Variants in GALNT14 observed in about 807,000 individuals in gnomAD.
GALNT14 encodes the protein UDP-GalNAc:polypeptide N-acetylgalactosaminyltransferase 14.
Under a neutral mutation model 77.5 loss-of-function variants are expected in GALNT14, and 60 were observed. That is an observed-to-expected ratio of 0.77 (90% CI 0.63 to 0.96). The LOEUF (loss-of-function observed/expected upper bound fraction) is 0.96. Ranked by LOEUF, GALNT14 falls within the 40% of genes least tolerant of loss-of-function variation. GALNT14 has a pLI of 0.00. For synonymous variants in GALNT14, 280 were observed against 281.7 expected (o/e 0.99, Z 0.06); for missense variants, 710 against 731.0 (o/e 0.97, Z 0.33).
intron 1 of GALNT14, among the ~76,000 whole-genome samples, chr2:31,021,027 T>C (rs766005582): frequency 6.6e-6 from 1 of 152,166 alleles, no homozygotes; most frequent in South Asian, 2.1e-4. Flanking sequence ...CAGAAAAGTA[T>C]GGGATCTTAA....
rs556635548 is a variant in GALNT14 at position 30,967,714 on chromosome 2, G to A, written c.300-1412C>T. ...AGTCCTTTTTTCTCAGGGGAGCACT[G>A]CAGCAGCTTCCTGACCCATCTTTCT... is the stretch of plus-strand genomic sequence containing the variant. On this transcript the variant is annotated intron_variant, in intron 2 of 14. Coordinates refer to ENST00000349752, the MANE Select transcript of GALNT14 (RefSeq NM_024572.4). Among the ~76,000 whole-genome samples the A allele has an allele frequency of 3.7e-4, 56 of 152,256 alleles. No homozygotes were observed. In the South Asian group the frequency reaches 9.8e-3, roughly 27 times the overall value.
intron 1 of GALNT14, among the ~76,000 whole-genome samples, chr2:31,085,326 A>G (rs935691720): frequency 1.3e-5 from 2 of 152,220 alleles, no homozygotes; most frequent in Non-Finnish European, 2.9e-5. Context: ...AGCTATCAGG[A>G]CAATGAGAAG....
At chr2:31,039,141 G>C (rs1315620983) in intron 1 of GALNT14, among the ~76,000 whole-genome samples, 1 of 152,178 alleles carries the variant, frequency 6.6e-6, no homozygotes, top group Non-Finnish European at 1.5e-5. Context: ...ATTTTTGCCA[G>C]TGTTCTTGTT....
At position 30,955,658 on chromosome 2, in the gene GALNT14, T is replaced by G; in HGVS notation, c.614A>C (p.Asn205Thr). The G allele has an allele frequency of 6.2e-7, 1 of 1,614,216 alleles. No homozygotes were observed. Among genetic ancestry groups the G allele is most frequent in the Non-Finnish European group, 8.5e-7 (1 of 1,180,036 alleles). The change falls in exon 6 of 15, where the codon AAC becomes ACC. Residue 205 changes from asparagine (N) to threonine (T), a missense_variant. Coordinates refer to ENST00000349752, the MANE Select transcript of GALNT14 (RefSeq NM_024572.4). ...CAACAGAGGCTGGAGCCAGTCCCTG[T>G]TCACCTCACAGTGGCTGTCGAGGAA... Reference protein sequence around the residue: ...LTFLDSHCEVNRDWLQPLLHR... With the variant: ...LTFLDSHCEVTRDWLQPLLHR...
At chr2:31,042,808 T>A (rs954165280) in intron 1 of GALNT14, among the ~76,000 whole-genome samples, 1 of 152,196 alleles carries the variant, frequency 6.6e-6, no homozygotes, top group Middle Eastern at 3.2e-3. Flanking sequence ...GCTTATTTAA[T>A]AGCCTCCTAA....
intron 1 of GALNT14, among the ~76,000 whole-genome samples, chr2:31,061,588 T>A (rs1375842054): frequency 6.6e-6 from 1 of 152,142 alleles, no homozygotes; most frequent in East Asian, 1.9e-4. Context: ...AAACTCATCA[T>A]CCTGTAGCTC....
chr2:30,923,056 CTTTTTT>C (rs56163710), intron 13 of GALNT14, among the ~76,000 whole-genome samples: 1 of 116,534 alleles, frequency 8.6e-6, no homozygotes, highest in Non-Finnish European at 1.7e-5. Context: ...ACAAACGTGC[CTTTTTT>C]TTTTTTTTTT....
the GALNT14 span, among the ~76,000 whole-genome samples, chr2:30,888,976 G>A: frequency 6.7e-6 from 1 of 149,854 alleles, no homozygotes; most frequent in Non-Finnish European, 1.5e-5. Flanking sequence ...ATCTCCCAGT[G>A]TAATTACTTA....
At chr2:30,998,866 C>T (rs1670194510) in intron 1 of GALNT14, among the ~76,000 whole-genome samples, 1 of 152,218 alleles carries the variant, frequency 6.6e-6, no homozygotes, top group Admixed American at 6.5e-5. Context: ...GACTCACTAT[C>T]TGTGCATTTC....
chr2:31,057,368 GTGTGTGTATATATA>G (rs1218721144), intron 1 of GALNT14, among the ~76,000 whole-genome samples: 1 of 84,674 alleles, frequency 1.2e-5, no homozygotes, highest in African/African-American at 5.1e-5. Context: ...GTGTGTGTGT[GTGTGTGTATATATA>G]TATATATATA....
At chr2:31,095,805 T>C (rs892318980) in intron 1 of GALNT14, among the ~76,000 whole-genome samples, 47 of 152,334 alleles carry the variant, frequency 3.1e-4, no homozygotes, top group Non-Finnish European at 2.5e-4. Context: ...AGTTTTCTCA[T>C]TTGTAAAATC....
At chr2:31,013,717 C>T (rs1234235252) in intron 1 of GALNT14, among the ~76,000 whole-genome samples, 1 of 152,206 alleles carries the variant, frequency 6.6e-6, no homozygotes, top group Non-Finnish European at 1.5e-5. Flanking sequence ...GGCCCATGCT[C>T]TTTCTGTTAA....
intron 4 of GALNT14, 114 bp from the exon 5 acceptor site, chr2:30,956,091 C>G: frequency 1.0e-6 from 1 of 979,100 alleles, no homozygotes; most frequent in Admixed American, 1.8e-5. Context: ...GTCCACTGTC[C>G]CCTAACTGCA....
intron 1 of GALNT14, among the ~76,000 whole-genome samples, chr2:31,100,416 C>T (rs545231481): frequency 1.3e-5 from 2 of 152,150 alleles, no homozygotes; most frequent in South Asian, 2.1e-4. Flanking sequence ...AATTATTGCA[C>T]ATTGTTAGTT....
intron 11 of GALNT14, among the ~76,000 whole-genome samples, chr2:30,925,931 G>T (rs894555302): frequency 1.3e-5 from 2 of 152,158 alleles, no homozygotes; most frequent in Non-Finnish European, 2.9e-5. Context: ...ACAGGGAAGT[G>T]GGGGTGGGAA....
At chr2:31,085,749 A>G (rs1461492591) in intron 1 of GALNT14, among the ~76,000 whole-genome samples, 4 of 152,202 alleles carry the variant, frequency 2.6e-5, no homozygotes, top group African/African-American at 4.8e-5. Context: ...TCCACATGTG[A>G]CACGTGCTCT....
At chr2:31,009,110 T>C (rs1670860051) in intron 1 of GALNT14, among the ~76,000 whole-genome samples, 1 of 152,236 alleles carries the variant, frequency 6.6e-6, no homozygotes, top group African/African-American at 2.4e-5. Flanking sequence ...TATTTATTCA[T>C]TATTTCTTGA....
At chr2:30,959,421 G>A (rs984644607) in intron 3 of GALNT14, among the ~76,000 whole-genome samples, 11 of 152,114 alleles carry the variant, frequency 7.2e-5, no homozygotes, top group African/African-American at 2.7e-4. Context: ...GATATTTACT[G>A]AACACCTACT....
chr2:31,021,670 A>C (rs866676610), intron 1 of GALNT14, among the ~76,000 whole-genome samples: 15 of 152,302 alleles, frequency 9.8e-5, no homozygotes, highest in Admixed American at 3.3e-4. Flanking sequence ...CATGCTCTCT[A>C]TGACCACTTT....
Sources: allele counts gnomAD v4.1 joint callset (sites outside exome capture counted in the v4.1 genomes callset), GRCh38; gene constraint gnomAD v4.1.1; transcripts MANE v1.5; gene names NCBI Gene and HGNC (gene_info 2026-07-23, HGNC 2026-07-21).